The following FIP1L1 variants were observed in gnomAD, a reference collection of about 807,000 sequenced individuals.
FIP1L1 encodes pre-mRNA 3'-end-processing factor FIP1.
FIP1L1 carries 21 observed loss-of-function variants against 84.6 expected under a neutral mutation model. That is an observed-to-expected ratio of 0.25 (90% CI 0.18 to 0.36). The LOEUF (loss-of-function observed/expected upper bound fraction) is 0.36, where lower values mean the gene tolerates loss of function less well. Among genes scored for constraint, FIP1L1 ranks in the 10% least tolerant of loss-of-function variants. The probability of loss-of-function intolerance (pLI) is 1.00; values close to 1 mark genes in which losing one functional copy is unlikely to be tolerated. For synonymous variants in FIP1L1, 263 were observed against 242.3 expected, an observed-to-expected ratio of 1.09 and a Z score of -0.80; for missense variants, 526 against 751.1, an observed-to-expected ratio of 0.70 and a Z score of 3.50.
In FIP1L1 at chr4:53,377,705, G is replaced by A. The variant is rs1735295823; in HGVS notation, c.-134G>A. On this transcript the variant is annotated 5_prime_UTR_variant, in exon 1 of 18. Transcript: ENST00000337488. The stretch of plus-strand genomic sequence containing the variant: ...TGCCGCCGCTGCCGTCGCCTTCCTG[G>A]GATTGGAGTCTCGAGCTTTCTTCGT... 3 of 771,364 alleles carry A rather than the reference G, an allele frequency of 3.9e-6. No individual in the cohort carries two copies. The African/African-American group carries it at 5.4e-5, about 14-fold the overall frequency. 47.8% of individuals were successfully genotyped at this position (771,364 alleles called of 1,614,324 possible).
At position 53,423,336 on chromosome 4, in the gene FIP1L1, T is replaced by C. The variant is rs1253233482; in HGVS notation, c.924-2536T>C. Among the ~76,000 whole-genome samples, 7 of 152,170 alleles carry C rather than the reference T, an allele frequency of 4.6e-5. No homozygotes were observed. The South Asian group carries it at 1.4e-3, about 31-fold the overall frequency. On this transcript the variant is annotated intron_variant, in intron 11 of 17. Transcript: ENST00000337488. ...AGGATTTTGATAATAGCATTAGCTGTCTACCTTACTGAACAAGTTTGTTGG... is the reference window on the plus strand; with the variant it reads ...AGGATTTTGATAATAGCATTAGCTGCCTACCTTACTGAACAAGTTTGTTGG...
At chr4:53,397,457 G>C (rs12233879) in intron 9 of FIP1L1, among the ~76,000 whole-genome samples, 1 of 152,088 alleles carries the variant, frequency 6.6e-6, no homozygotes, top group Non-Finnish European at 1.5e-5. Context: ...GAATGGAGTG[G>C]CATGCATCTT....
chr4:53,439,545 T>C (rs1414234571), intron 13 of FIP1L1, among the ~76,000 whole-genome samples: 1 of 152,110 alleles, frequency 6.6e-6, no homozygotes, highest in Non-Finnish European at 1.5e-5. Context: ...AAAACAATTC[T>C]GTTTCTTTTT....
In FIP1L1 at chr4:53,459,582, T is replaced by C. The variant is rs1480719257; in HGVS notation, c.*133T>C. On this transcript the variant is annotated 3_prime_UTR_variant, in exon 18 of 18. Transcript: ENST00000337488. Reference sequence around the variant, plus strand: ...GTTAGTATGAAAAGTTAACTTTTTTTCCAAAATAAAAGAGTGAATTTTTCA... The same window carrying C: ...GTTAGTATGAAAAGTTAACTTTTTTCCCAAAATAAAAGAGTGAATTTTTCA... 15 of 1,343,620 alleles carry C rather than the reference T, an allele frequency of 1.1e-5. No homozygotes were observed. Among genetic ancestry groups the C allele is most frequent in the Middle Eastern group, 2.1e-4 (1 of 4,756 alleles). The allele number at this position is 1,343,620 out of a possible 1,614,324, so 83.2% of individuals were successfully genotyped here.
At chr4:53,412,962 G>A (rs892219792) in intron 10 of FIP1L1, among the ~76,000 whole-genome samples, 7 of 152,004 alleles carry the variant, frequency 4.6e-5, no homozygotes, top group Admixed American at 3.9e-4. Flanking sequence ...TTCCCACTCC[G>A]CCACTTATCA....
chr4:53,417,795 T>A (rs1343722971), intron 11 of FIP1L1, among the ~76,000 whole-genome samples: 13,428 of 137,498 alleles, frequency 0.098, 1,604 homozygotes, highest in South Asian at 0.27. Context: ...TCTCTCTCTC[T>A]CTCTCTCTCT....
At position 53,460,074 on chromosome 4, in the gene FIP1L1, A is replaced by C. The variant is rs1426161028; in HGVS notation, c.*625A>C. 5.0e-6 allele frequency: 1 copy of C among 199,020 alleles called. No homozygotes were observed. Among genetic ancestry groups the C allele is most frequent in the African/African-American group, 2.3e-5 (1 of 43,416 alleles). The allele number at this position is 199,020 out of a possible 1,614,324, so 12.3% of individuals were successfully genotyped here. A position where few individuals can be genotyped will look rare whatever the true frequency, so the allele number is the denominator to read the frequency against. ...TGAAATAAATTAATTAATTACCCAT[A>C]GTGTAGTTTCTAGGAGGCATGTGTA... On this transcript the variant is annotated 3_prime_UTR_variant, in exon 18 of 18. Coordinates refer to ENST00000337488, the MANE Select transcript of FIP1L1 (RefSeq NM_030917.4).
At chr4:53,378,081 C>G (rs1578034468) in intron 1 of FIP1L1, 158 bp downstream of exon 1, 1 of 582,794 alleles carries the variant, frequency 1.7e-6, no homozygotes, top group Non-Finnish European at 2.8e-6. Context: ...GCGCGTGCCC[C>G]CAGTCCCCGC....
chr4:53,421,464 C>CT (rs1306523491), intron 11 of FIP1L1, among the ~76,000 whole-genome samples: 2 of 152,210 alleles, frequency 1.3e-5, no homozygotes, highest in African/African-American at 4.8e-5. Context: ...TCCTACATGT[C>CT]TTTTAAGGCT....
At chr4:53,389,690 G>T in intron 5 of FIP1L1, 119 bp from the exon 6 acceptor site, 1 of 713,018 alleles carries the variant, frequency 1.4e-6, no homozygotes. Context: ...AATAAAATGT[G>T]TGTCACACTA....
intron 14 of FIP1L1, 76 bp downstream of exon 14, chr4:53,442,783 C>T: frequency 1.2e-6 from 1 of 819,154 alleles, no homozygotes; most frequent in East Asian, 2.6e-5. Flanking sequence ...GAAATATTTT[C>T]AGATATTTAA....
rs530828165 is a variant in FIP1L1, at chr4:53,460,584, A to G, written c.*1135A>G. ...CCTTGGCAGACTTCAGCATATACCA[A>G]ATTTTAAATTTAAATCAGCTTGAAT... On this transcript the variant is annotated 3_prime_UTR_variant, in exon 18 of 18. Transcript: ENST00000337488. 7.9e-6 allele frequency: 2 copies of G among 251,662 alleles called. No homozygotes were observed. Among genetic ancestry groups the G allele is most frequent in the South Asian group, 1.1e-4 (1 of 8,814 alleles). 15.6% of individuals were successfully genotyped at this position (251,662 alleles called of 1,614,324 possible).
At chr4:53,410,911 T>A (rs921523364) in intron 10 of FIP1L1, among the ~76,000 whole-genome samples, 2 of 152,238 alleles carry the variant, frequency 1.3e-5, no homozygotes, top group Non-Finnish European at 2.9e-5. Flanking sequence ...AGGCATCCAC[T>A]GGAGGCCTTA....
chr4:53,390,452 CTGTT>C, intron 6 of FIP1L1, 65 bp from the exon 7 acceptor site: 1 of 879,974 alleles, frequency 1.1e-6, no homozygotes, highest in Admixed American at 2.1e-5. Context: ...TTTATATTTT[CTGTT>C]TGTCTATGGT....
chr4:53,406,750 G>A (rs1397893384), intron 10 of FIP1L1, among the ~76,000 whole-genome samples: 1 of 152,214 alleles, frequency 6.6e-6, no homozygotes, highest in African/African-American at 2.4e-5. Context: ...GGGTGTATGT[G>A]TCGAGGAATT....
At chr4:53,409,931 C>T (rs536372483) in intron 10 of FIP1L1, among the ~76,000 whole-genome samples, 69 of 152,374 alleles carry the variant, frequency 4.5e-4, no homozygotes, top group African/African-American at 1.6e-3. Context: ...CTCCCTGACC[C>T]CTTGCGCTTC....
intron 10 of FIP1L1, among the ~76,000 whole-genome samples, chr4:53,405,787 A>G (rs1274095783): frequency 6.6e-6 from 1 of 150,502 alleles, no homozygotes; most frequent in South Asian, 2.1e-4. Context: ...ATGGGAGTTC[A>G]CTCATGATTT....
At chr4:53,395,104 T>C (rs1170380646) in intron 9 of FIP1L1, among the ~76,000 whole-genome samples, 1 of 152,216 alleles carries the variant, frequency 6.6e-6, no homozygotes, top group Non-Finnish European at 1.5e-5. Context: ...TCTTAAGATA[T>C]TAGGTCATGT....
rs963092529 is a variant in FIP1L1 at position 53,458,931 on chromosome 4, C to T, written c.1637+141C>T. 5 of 937,788 alleles carry T rather than the reference C, an allele frequency of 5.3e-6. No individual in the cohort carries two copies. The African/African-American group carries it at 8.4e-5, about 16-fold the overall frequency. 58.1% of individuals were successfully genotyped at this position (937,788 alleles called of 1,614,324 possible). ...TAAAGAAAAATTCAGGGCCTTGTCT[C>T]AAATTTTTTTAAAAAAGCATTAAAC... On this transcript the variant is annotated intron_variant, in intron 17 of 17. Coordinates refer to ENST00000337488, the MANE Select transcript of FIP1L1 (RefSeq NM_030917.4).
Sources: allele counts gnomAD v4.1 joint callset (sites outside exome capture counted in the v4.1 genomes callset), GRCh38; gene constraint gnomAD v4.1.1; transcripts MANE v1.5; gene names NCBI Gene and HGNC (gene_info 2026-07-23, HGNC 2026-07-21).